Variants in PLCG1 observed in about 807,000 individuals in gnomAD.
PLCG1 encodes 1-phosphatidylinositol 4,5-bisphosphate phosphodiesterase gamma-1.
Under a neutral mutation model 177.8 loss-of-function variants are expected in PLCG1, and 71 were observed. The observed-to-expected ratio is 0.40, with a 90% confidence interval of 0.33 to 0.49. PLCG1 has a LOEUF of 0.49. PLCG1 is among the 20% of genes least tolerant of loss of function. PLCG1 has a pLI of 0.72. For missense variants in PLCG1, 1,281 were observed against 1,709.0 expected (o/e 0.75, Z 4.42); for synonymous variants, 658 against 647.9 (o/e 1.02, Z -0.24).
At chr20:41,142,469 G>A (rs978602397) in intron 1 of PLCG1, among the ~76,000 whole-genome samples, 2 of 152,202 alleles carry the variant, frequency 1.3e-5, no homozygotes, top group African/African-American at 4.8e-5. Context: ...GTGTTGGGGA[G>A]GGAGGCCAGT....
chr20:41,163,818 C>T lies in PLCG1; in HGVS notation c.995C>T (p.Ser332Phe). The change falls in exon 10 of 32, where the codon TCC becomes TTC. Residue 332 changes from serine (S) to phenylalanine (F), a missense_variant. Around this residue, in one of 4 missense-constraint regions of PLCG1, gnomAD observed 31 missense variants for 82.1 expected, o/e 0.38. Transcript: ENST00000685551. The surrounding 1 kb of genome is among the most constrained non-coding windows in gnomAD (Gnocchi z 5.2). ...MNNPLSHYWISSSHNTYLTGD... is the reference protein window; with the variant it reads ...MNNPLSHYWIFSSHNTYLTGD... ...AACCCTCTTTCCCACTACTGGATCT[C>T]CTCCTCGCACAACACGTGAGTGTGG... 1 of 1,613,248 alleles carries T rather than the reference C, an allele frequency of 6.2e-7. No individual in the cohort carries two copies. The highest frequency in any genetic ancestry group is 8.5e-7 in the Non-Finnish European group (1 of 1,179,150).
rs1185286840 is a variant in PLCG1, at chr20:41,167,183, C to T, written c.2301+324C>T. 6.6e-6 allele frequency among the ~76,000 whole-genome samples: 1 copy of T among 152,158 alleles called. No homozygotes were observed. Among genetic ancestry groups the T allele is most frequent in the Non-Finnish European group, 1.5e-5 (1 of 68,014 alleles). On this transcript the variant is annotated intron_variant, in intron 19 of 31. Coordinates refer to ENST00000685551, the MANE Select transcript of PLCG1 (RefSeq NM_002660.3). The surrounding 1 kb of genome is among the most constrained non-coding windows in gnomAD (Gnocchi z 4.4). The stretch of plus-strand genomic sequence containing the variant: ...CATCCACCTGGGCTTGGCCTGGACT[C>T]TGTCCTAGGGCAGATGAGATGAGGC...
intron 1 of PLCG1, among the ~76,000 whole-genome samples, chr20:41,141,982 T>A (rs1201514411): frequency 6.6e-6 from 1 of 152,274 alleles, no homozygotes; most frequent in African/African-American, 2.4e-5. Context: ...CATTTATTAA[T>A]ATTTGCAATA....
In PLCG1 at chr20:41,165,990, A is replaced by ACCC. The variant is rs145133101; in HGVS notation, c.1799+172_1799+174dup. 1.9e-5 allele frequency: 10 copies of ACCC among 529,100 alleles called. No homozygotes were observed. The South Asian group carries it at 2.2e-4, about 12-fold the overall frequency. The allele number at this position is 529,100 out of a possible 1,614,324, so 32.8% of individuals were successfully genotyped here. The stretch of plus-strand genomic sequence containing the variant: ...CATACACACACACACTCTCTGTCTC[A>ACCC]CCCCCCCCCCATACCCCTCCCTTTT... On this transcript the variant is annotated intron_variant, in intron 16 of 31. Transcript: ENST00000685551. This position sits in a 1 kb window ranked among gnomAD's most constrained non-coding sequence, Gnocchi z 6.6.
Position 41,146,677 on chromosome 20 carries a change from T to C in PLCG1, c.217+8819T>C, listed in dbSNP as rs1287219423. Reference sequence around the variant, plus strand: ...CTGTTTTCTTGGACACCTGGGGATATGGTTGAGTTAAAATGTTCTGAGGGA... The same window carrying C: ...CTGTTTTCTTGGACACCTGGGGATACGGTTGAGTTAAAATGTTCTGAGGGA... On this transcript the variant is annotated intron_variant, in intron 1 of 31. Coordinates refer to ENST00000685551, the MANE Select transcript of PLCG1 (RefSeq NM_002660.3). The surrounding 1 kb of genome is among the most constrained non-coding windows in gnomAD (Gnocchi z 6.3). Among the ~76,000 whole-genome samples the C allele has an allele frequency of 6.6e-6, 1 of 152,156 alleles. No individual in the cohort carries two copies. Among genetic ancestry groups the C allele is most frequent in the East Asian group, 1.9e-4 (1 of 5,202 alleles).
At chr20:41,158,425 C>T (rs1201676514) in intron 1 of PLCG1, among the ~76,000 whole-genome samples, 1 of 152,176 alleles carries the variant, frequency 6.6e-6, no homozygotes, top group African/African-American at 2.4e-5. Context: ...TTTCCTTTGA[C>T]CTAATCTACC....
rs953287254 is a variant in PLCG1 at position 41,146,039 on chromosome 20, G to A, written c.217+8181G>A. ...AGGAGCTCCTTTTTATAGTCCACAT[G>A]TAGGCTTTGTGTATAGGCTCTGCTG... On this transcript the variant is annotated intron_variant, in intron 1 of 31. Coordinates refer to ENST00000685551, the MANE Select transcript of PLCG1 (RefSeq NM_002660.3). This position sits in a 1 kb window ranked among gnomAD's most constrained non-coding sequence, Gnocchi z 6.3. Among the ~76,000 whole-genome samples, 1 of 152,238 alleles carries A rather than the reference G, an allele frequency of 6.6e-6. No homozygotes were observed. The highest frequency in any genetic ancestry group is 2.4e-5 in the African/African-American group (1 of 41,462).
rs1232212213 is a variant in PLCG1 at position 41,167,313 on chromosome 20, GCTGGTGATAAGGGCC to G, written c.2301+459_2301+473del. 6.6e-6 allele frequency among the ~76,000 whole-genome samples: 1 copy of G among 152,192 alleles called. No homozygotes were observed. Among genetic ancestry groups the G allele is most frequent in the African/African-American group, 2.4e-5 (1 of 41,436 alleles). The stretch of plus-strand genomic sequence containing the variant: ...AAAAGTCAGGACCCATGGCAGCACA[GCTGGTGATAAGGGCC>G]CTGGACAGAAGGAAGGGGTCTAGGA... On this transcript the variant is annotated intron_variant, in intron 19 of 31. Transcript: ENST00000685551. The surrounding 1 kb of genome is among the most constrained non-coding windows in gnomAD (Gnocchi z 4.4).
chr20:41,163,299 C>A lies in PLCG1; in HGVS notation c.789+24C>A. On this transcript the variant is annotated intron_variant, in intron 8 of 31. Transcript: ENST00000685551. The surrounding 1 kb of genome is among the most constrained non-coding windows in gnomAD (Gnocchi z 5.2). ...GGGTATGGCTGGGCTGACATTGGCC[C>A]AGGCTGGTAGGTTGTGGGGGGCTGG... 6.3e-7 allele frequency: 1 copy of A among 1,585,514 alleles called. No individual in the cohort carries two copies. The highest frequency in any genetic ancestry group is 1.8e-5 in the Admixed American group (1 of 55,700).
chr20:41,160,118 G>T lies in PLCG1; in HGVS notation c.477G>T (p.Lys159Asn). Residue 159 changes from lysine to asparagine, a missense_variant, in exon 4 of 32, where the codon AAG becomes AAT. Physicochemically the swap from Lys to Asn is moderately conservative, Grantham distance 94. This residue lies in a region of PLCG1 where 374 missense variants were observed against 443.8 expected (regional missense o/e 0.84). Transcript: ENST00000685551. This position sits in a 1 kb window ranked among gnomAD's most constrained non-coding sequence, Gnocchi z 5.5. ...TPLQIERWLR[K>N]QFYSVDRNRE... is the part of the protein sequence containing the mutation. Reference sequence around the variant, plus strand: ...CTTCTCTCTCCAGGTGGCTCCGGAAGCAGTTTTACTCAGTGGATCGGAATC... The same window carrying T: ...CTTCTCTCTCCAGGTGGCTCCGGAATCAGTTTTACTCAGTGGATCGGAATC... The T allele has an allele frequency of 2.5e-6, 4 of 1,614,166 alleles. No individual in the cohort carries two copies. In the East Asian group the frequency reaches 8.9e-5, roughly 36 times the overall value.
Position 41,159,798 on chromosome 20 carries a change from G to A in PLCG1, c.370+40G>A. The A allele has an allele frequency of 1.2e-6, 2 of 1,613,946 alleles. No individual in the cohort carries two copies. The highest frequency in any genetic ancestry group is 1.1e-5 in the South Asian group (1 of 91,072). ...GGTAGAGGAGGTAGAGGATAGTTAG[G>A]GGAATGCCTGCTGGCTCCTGCCCAG... is the stretch of plus-strand genomic sequence containing the variant. On this transcript the variant is annotated intron_variant, in intron 2 of 31. Coordinates refer to ENST00000685551, the MANE Select transcript of PLCG1 (RefSeq NM_002660.3). The surrounding 1 kb of genome is among the most constrained non-coding windows in gnomAD (Gnocchi z 6.0).
chr20:41,139,253 C>T (rs1050405393), intron 1 of PLCG1, among the ~76,000 whole-genome samples: 4 of 152,146 alleles, frequency 2.6e-5, no homozygotes, highest in African/African-American at 9.7e-5. Flanking sequence ...ATTGGGAGAA[C>T]ATTTTAGTGA....
chr20:41,164,305 C>A lies in PLCG1; in HGVS notation c.1217+104C>A. On this transcript the variant is annotated intron_variant, in intron 12 of 31. Coordinates refer to ENST00000685551, the MANE Select transcript of PLCG1 (RefSeq NM_002660.3). The surrounding 1 kb of genome is among the most constrained non-coding windows in gnomAD (Gnocchi z 6.4). ...TCCTCAAATGCCCTGTCCCCTCTCCCTCAGCCTTTCATCTTTGTCCTTCCT... is the reference window on the plus strand; with the variant it reads ...TCCTCAAATGCCCTGTCCCCTCTCCATCAGCCTTTCATCTTTGTCCTTCCT... The A allele has an allele frequency of 8.5e-7, 1 of 1,170,262 alleles. No individual in the cohort carries two copies. 72.5% of individuals were successfully genotyped at this position (1,170,262 alleles called of 1,614,324 possible).
At position 41,148,594 on chromosome 20, in the gene PLCG1, G is replaced by A. The variant is rs898907802; in HGVS notation, c.217+10736G>A. ...GTGATGCTTTCATAGTATTTTTCTT[G>A]AATAAGGTCCCCAAAACCTTATTAA... On this transcript the variant is annotated intron_variant, in intron 1 of 31. Transcript: ENST00000685551. This position sits in a 1 kb window ranked among gnomAD's most constrained non-coding sequence, Gnocchi z 4.3. Among the ~76,000 whole-genome samples, 2 of 152,134 alleles carry A rather than the reference G, an allele frequency of 1.3e-5. No individual in the cohort carries two copies. The highest frequency in any genetic ancestry group is 2.9e-5 in the Non-Finnish European group (2 of 68,030).
In PLCG1 at chr20:41,137,562, GC is replaced by G; in HGVS notation, c.-76del. ...CCGCTCGTCTGCCGCCTCAGCCTCA[GC>G]CCCAACCTCAGCCGCCGCCGTTGCG... On this transcript the variant is annotated 5_prime_UTR_variant, in exon 1 of 32. Coordinates refer to ENST00000685551, the MANE Select transcript of PLCG1 (RefSeq NM_002660.3). The surrounding 1 kb of genome is among the most constrained non-coding windows in gnomAD (Gnocchi z 7.3). 1.2e-6 allele frequency: 1 copy of G among 830,306 alleles called. No individual in the cohort carries two copies. 51.4% of individuals were successfully genotyped at this position (830,306 alleles called of 1,614,324 possible).
chr20:41,161,264 G>A (rs1230131305), intron 4 of PLCG1, among the ~76,000 whole-genome samples: 3 of 152,152 alleles, frequency 2.0e-5, no homozygotes, highest in Non-Finnish European at 4.4e-5. Context: ...TCTGACCGTT[G>A]ACCCTTGGAT....
chr20:41,173,322 G>A lies in PLCG1; in HGVS notation c.3280-98G>A, dbSNP rs937818520. 5.4e-6 allele frequency: 7 copies of A among 1,304,842 alleles called. No homozygotes were observed. The highest frequency in any genetic ancestry group is 2.5e-5 in the East Asian group (1 of 39,390). 80.8% of individuals were successfully genotyped at this position (1,304,842 alleles called of 1,614,324 possible). On this transcript the variant is annotated intron_variant, in intron 27 of 31. Transcript: ENST00000685551. This position sits in a 1 kb window ranked among gnomAD's most constrained non-coding sequence, Gnocchi z 6.2. The stretch of plus-strand genomic sequence containing the variant: ...GTGTCCCGGGGGCCCAGCAGAGGGC[G>A]CGCTGCCTCCACTCCACAGATGCTG...
Position 41,172,063 on chromosome 20 carries a change from G to C in PLCG1, c.2809-130G>C. ...CATTTACTGTTGGGTGTGGTGTCTGGAAGGTACAGGGGAAGGTGGGAGAGG... is the reference window on the plus strand; with the variant it reads ...CATTTACTGTTGGGTGTGGTGTCTGCAAGGTACAGGGGAAGGTGGGAGAGG... On this transcript the variant is annotated intron_variant, in intron 24 of 31. Transcript: ENST00000685551. This position sits in a 1 kb window ranked among gnomAD's most constrained non-coding sequence, Gnocchi z 7.0. 4.1e-6 allele frequency: 3 copies of C among 731,564 alleles called. No individual in the cohort carries two copies. Among genetic ancestry groups the C allele is most frequent in the African/African-American group, 1.7e-5 (1 of 57,722 alleles). 45.3% of individuals were successfully genotyped at this position (731,564 alleles called of 1,614,324 possible).
Position 41,164,281 on chromosome 20 carries a change from C to T in PLCG1, c.1217+80C>T. 7.2e-7 allele frequency: 1 copy of T among 1,386,118 alleles called. No individual in the cohort carries two copies. The highest frequency in any genetic ancestry group is 1.0e-6 in the Non-Finnish European group (1 of 983,850). The allele number at this position is 1,386,118 out of a possible 1,614,324, so 85.9% of individuals were successfully genotyped here. A position where few individuals can be genotyped will look rare whatever the true frequency, so the allele number is the denominator to read the frequency against. ...TAGAGGGACAGAGGGCAGAAAGACT[C>T]CTCAAATGCCCTGTCCCCTCTCCCT... is the stretch of plus-strand genomic sequence containing the variant. On this transcript the variant is annotated intron_variant, in intron 12 of 31. Coordinates refer to ENST00000685551, the MANE Select transcript of PLCG1 (RefSeq NM_002660.3). This position sits in a 1 kb window ranked among gnomAD's most constrained non-coding sequence, Gnocchi z 6.4.
Sources: gnomAD v4.1 joint callset for allele counts (sites outside exome capture counted in the v4.1 genomes callset) on GRCh38, gnomAD v4.1.1 for gene constraint, gnomAD v4.1.1 regional missense constraint, Gnocchi (gnomAD v3.1) non-coding constraint, MANE v1.5 for transcripts, NCBI Gene and HGNC (gene_info 2026-07-23, HGNC 2026-07-21) for gene names.